The following CTNNA2 variants were observed in gnomAD, a reference collection of about 807,000 sequenced individuals.
The protein encoded by CTNNA2 is catenin alpha 2.
CTNNA2 carries 42 observed loss-of-function variants against 101.0 expected under a neutral mutation model. That is an observed-to-expected ratio of 0.42 (90% confidence interval 0.32 to 0.54). The LOEUF is 0.54. Ranked by LOEUF, CTNNA2 falls within the 20% of genes least tolerant of loss-of-function variation. The pLI, the probability that CTNNA2 is intolerant of heterozygous loss-of-function variation, is 0.14. For missense variants in CTNNA2, 871 were observed against 1,223.1 expected, an observed-to-expected ratio of 0.71 and a Z score of 4.29; for synonymous variants, 450 against 456.4, an observed-to-expected ratio of 0.99 and a Z score of 0.18.
At chr2:79,237,780 T>G (rs1199758267) in intron 2 of CTNNA2, among the ~76,000 whole-genome samples, 1 of 152,226 alleles carries the variant, frequency 6.6e-6, no homozygotes, top group Non-Finnish European at 1.5e-5. Flanking sequence ...GCTTGAAACT[T>G]TCCTTCTGCA....
intron 4 of CTNNA2, among the ~76,000 whole-genome samples, chr2:79,422,621 A>C (rs761804157): frequency 4.6e-5 from 7 of 152,252 alleles, no homozygotes; most frequent in African/African-American, 1.7e-4. Flanking sequence ...AGGGGGTACC[A>C]TTCCCAGAAT....
chr2:79,841,285 C>T (rs1489026948), intron 3 of CTNNA2, among the ~76,000 whole-genome samples: 4 of 152,142 alleles, frequency 2.6e-5, no homozygotes, highest in Non-Finnish European at 4.4e-5. Context: ...GGTACATTCT[C>T]AGAGACAAAA....
chr2:80,322,796 A>G (rs1280237143), intron 7 of CTNNA2, among the ~76,000 whole-genome samples: 1 of 152,022 alleles, frequency 6.6e-6, no homozygotes, highest in African/African-American at 2.4e-5. Context: ...CGGGGGCCAT[A>G]CTCCAAAATC....
chr2:80,307,271 A>C (rs1364712293), intron 7 of CTNNA2, among the ~76,000 whole-genome samples: 1 of 152,026 alleles, frequency 6.6e-6, no homozygotes, highest in Non-Finnish European at 1.5e-5. Flanking sequence ...TAAGTTGCAG[A>C]ATCCCAATTT....
intron 7 of CTNNA2, among the ~76,000 whole-genome samples, chr2:80,374,674 C>CGTGTGT (rs1190055398): frequency 1.7e-5 from 2 of 117,720 alleles, no homozygotes; most frequent in Admixed American, 1.7e-4. Flanking sequence ...CCTCTGCGTG[C>CGTGTGT]GTGCGTGCGT....
chr2:80,320,933 G>C (rs1045566932), intron 7 of CTNNA2, among the ~76,000 whole-genome samples: 1 of 152,150 alleles, frequency 6.6e-6, no homozygotes, highest in Non-Finnish European at 1.5e-5. Context: ...TTTCATTAGG[G>C]TGGTGATGTC....
chr2:80,018,618 G>A (rs1694318109), intron 7 of CTNNA2, among the ~76,000 whole-genome samples: 1 of 151,846 alleles, frequency 6.6e-6, no homozygotes, highest in Admixed American at 6.6e-5. Context: ...CTACTAAACA[G>A]AAAATACAAA....
In CTNNA2 at chr2:79,325,193, T is replaced by C. The variant is rs369292546; in HGVS notation, c.-318+12397T>C. On this transcript the variant is annotated intron_variant, in intron 3 of 21. Transcript: ENST00000466387. ...GGCACTGAACTATGAGAAATAGGAA[T>C]AGGTATATCAATGGGGGGAAAACCA... 3.9e-5 allele frequency among the ~76,000 whole-genome samples: 6 copies of C among 152,112 alleles called. No homozygotes were observed. The East Asian group carries it at 7.7e-4, about 20-fold the overall frequency.
intron 6 of CTNNA2, among the ~76,000 whole-genome samples, chr2:79,878,533 G>A (rs2916502): frequency 0.036 from 5,435 of 152,236 alleles, 124 homozygotes; most frequent in South Asian, 0.051. Flanking sequence ...CATTCTGACT[G>A]GCCTGAGATG....
At chr2:79,438,486 G>A (rs556296343) in intron 4 of CTNNA2, among the ~76,000 whole-genome samples, 18 of 152,286 alleles carry the variant, frequency 1.2e-4, no homozygotes, top group South Asian at 1.0e-3. Flanking sequence ...GTTTTTTAAT[G>A]TCATTAGTGG....
intron 7 of CTNNA2, among the ~76,000 whole-genome samples, chr2:80,273,616 C>T (rs986719691): frequency 3.9e-5 from 6 of 152,112 alleles, no homozygotes; most frequent in Non-Finnish European, 8.8e-5. Flanking sequence ...TTATCTCCTG[C>T]AGTGCCTCCC....
Position 79,658,628 on chromosome 2 carries a change from A to G in CTNNA2, c.102+6970A>G, listed in dbSNP as rs1280033511. ...TACCTTTTCAGGAAGCTAATGAAGCACTGGCCATCAAAATGAGTTGGCCAT... is the reference window on the plus strand; with the variant it reads ...TACCTTTTCAGGAAGCTAATGAAGCGCTGGCCATCAAAATGAGTTGGCCAT... On this transcript the variant is annotated intron_variant, in intron 2 of 18. Transcript: ENST00000402739. 2.6e-5 allele frequency among the ~76,000 whole-genome samples: 4 copies of G among 152,198 alleles called. No individual in the cohort carries two copies. In the East Asian group the frequency reaches 7.7e-4, roughly 29 times the overall value.
At chr2:80,143,784 A>G (rs1399762833) in intron 7 of CTNNA2, among the ~76,000 whole-genome samples, 1 of 152,222 alleles carries the variant, frequency 6.6e-6, no homozygotes, top group Non-Finnish European at 1.5e-5. Flanking sequence ...TGCAGTGAGA[A>G]GTTCTGTTTT....
intron 9 of CTNNA2, among the ~76,000 whole-genome samples, chr2:80,537,256 C>T (rs754463521): frequency 1.1e-4 from 16 of 152,084 alleles, no homozygotes; most frequent in Non-Finnish European, 1.6e-4. Context: ...AACATGAACC[C>T]ATTCTTTTTT....
intron 14 of CTNNA2, among the ~76,000 whole-genome samples, chr2:80,589,004 GCTT>G (rs1696210353): frequency 6.6e-6 from 1 of 152,142 alleles, no homozygotes; most frequent in Non-Finnish European, 1.5e-5. Context: ...GTCAAGAATA[GCTT>G]CTTTTGAACA....
rs191136118 is a variant in CTNNA2, at chr2:79,656,205, C to G, written c.102+4547C>G. ...AACTAATTCTTCCCTTGGAATTAAA[C>G]CTTCATGATAGGACTGATGTGACTG... On this transcript the variant is annotated intron_variant, in intron 2 of 18. Coordinates refer to ENST00000402739, the MANE Select transcript of CTNNA2 (RefSeq NM_001282597.3). 3.6e-3 allele frequency among the ~76,000 whole-genome samples: 546 copies of G among 152,224 alleles called. 5 individuals are homozygous for G. Among genetic ancestry groups the G allele is most frequent in the African/African-American group, 0.013 (521 of 41,526 alleles).
chr2:79,700,487 A>G (rs751408546), intron 2 of CTNNA2, among the ~76,000 whole-genome samples: 2 of 152,060 alleles, frequency 1.3e-5, no homozygotes, highest in Non-Finnish European at 2.9e-5. Flanking sequence ...TTCTTCCCCA[A>G]TATCAGCCAT....
chr2:80,081,533 T>A (rs553421611), intron 7 of CTNNA2, among the ~76,000 whole-genome samples: 1 of 146,552 alleles, frequency 6.8e-6, no homozygotes, highest in African/African-American at 2.5e-5. Context: ...TCTCTCACTT[T>A]GTTCTTTTCC....
chr2:79,266,480 T>A (rs1674988295), intron 2 of CTNNA2, among the ~76,000 whole-genome samples: 1 of 152,212 alleles, frequency 6.6e-6, no homozygotes, highest in South Asian at 2.1e-4. Context: ...TTTCCTGAGA[T>A]AATATCCCAT....
Sources: gnomAD v4.1 joint callset for allele counts (sites outside exome capture counted in the v4.1 genomes callset) on GRCh38, gnomAD v4.1.1 for gene constraint, MANE v1.5 for transcripts, NCBI Gene and HGNC (gene_info 2026-07-23, HGNC 2026-07-21) for gene names.